The following HYCC1 variants were observed in gnomAD, a reference collection of about 807,000 sequenced individuals.
HYCC1 encodes the protein hyccin PI4KA lipid kinase complex subunit 1.
At chr7:22,914,333 C>G in the HYCC1 span, among the ~76,000 whole-genome samples, 21 of 152,214 alleles carry the variant, frequency 1.4e-4, no homozygotes, top group Non-Finnish European at 1.5e-5. Flanking sequence ...TTCTCCGTGT[C>G]TCTACCCTCT....
At chr7:22,897,476 G>GGCAAGGGATGATGGTAGTTCATAGATTT in the HYCC1 span, among the ~76,000 whole-genome samples, 1 of 152,208 alleles carries the variant, frequency 6.6e-6, no homozygotes. Flanking sequence ...TGATGACTGT[G>GGCAAGGGATGATGGTAGTTCATAGATTT]GCAAGGGATG....
chr7:22,994,260 A>G, the HYCC1 span, among the ~76,000 whole-genome samples: 1 of 152,360 alleles, frequency 6.6e-6, no homozygotes, highest in Admixed American at 6.5e-5. Context: ...AACAAAATAT[A>G]ACTTTTAATG....
the HYCC1 span, among the ~76,000 whole-genome samples, chr7:23,004,720 T>G: frequency 6.6e-6 from 1 of 152,206 alleles, no homozygotes; most frequent in African/African-American, 2.4e-5. Flanking sequence ...ACTAGAAGGA[T>G]TCCCTTTATA....
chr7:22,984,187 C>A, the HYCC1 span: 15 of 615,600 alleles, frequency 2.4e-5, no homozygotes, highest in East Asian at 2.8e-5. Context: ...TATGAAGTTT[C>A]TTTTTGGGGT....
At chr7:22,977,927 T>C in the HYCC1 span, among the ~76,000 whole-genome samples, 12 of 152,198 alleles carry the variant, frequency 7.9e-5, no homozygotes, top group Admixed American at 1.3e-4. Context: ...GTAAATCTTT[T>C]CTCCCAAACT....
the HYCC1 span, chr7:22,991,199 T>A: frequency 9.1e-7 from 1 of 1,103,700 alleles, no homozygotes; most frequent in Non-Finnish European, 1.4e-6. Flanking sequence ...GTCAGATTAC[T>A]ATGAACAGAG....
chr7:23,002,121 A>G, the HYCC1 span, among the ~76,000 whole-genome samples: 1 of 138,126 alleles, frequency 7.2e-6, no homozygotes, highest in African/African-American at 2.7e-5. Context: ...TCAAGAAGAA[A>G]TAATGGTAAA....
At chr7:22,918,191 T>C in the HYCC1 span, among the ~76,000 whole-genome samples, 1 of 152,236 alleles carries the variant, frequency 6.6e-6, no homozygotes, top group African/African-American at 2.4e-5. Context: ...GGCACTCTGA[T>C]TGGATGTCAT....
At chr7:22,995,898 G>A in the HYCC1 span, among the ~76,000 whole-genome samples, 1,775 of 152,268 alleles carry the variant, frequency 0.012, 14 homozygotes, top group Middle Eastern at 0.031. Context: ...TCAACACGAC[G>A]TCATGTGAAT....
the HYCC1 span, among the ~76,000 whole-genome samples, chr7:23,008,980 A>G: frequency 6.6e-6 from 1 of 152,102 alleles, no homozygotes; most frequent in Admixed American, 6.5e-5. Context: ...ATAGGTTTAA[A>G]CACATTAAAA....
At chr7:22,972,466 C>G in the HYCC1 span, among the ~76,000 whole-genome samples, 2 of 152,106 alleles carry the variant, frequency 1.3e-5, no homozygotes, top group Non-Finnish European at 2.9e-5. Context: ...GGAGAGAATT[C>G]AACTTAATAG....
chr7:23,002,136 GTATATATATA>G, the HYCC1 span, among the ~76,000 whole-genome samples: 15 of 76,612 alleles, frequency 2.0e-4, no homozygotes, highest in African/African-American at 2.4e-4. Context: ...GGTAAAAATT[GTATATATATA>G]TATATATATA....
chr7:22,963,155 A>T, the HYCC1 span, among the ~76,000 whole-genome samples: 18 of 152,200 alleles, frequency 1.2e-4, no homozygotes, highest in Non-Finnish European at 2.5e-4. Flanking sequence ...ATGAACAATC[A>T]AAAATTACAA....
chr7:22,922,111 C>A, the HYCC1 span, among the ~76,000 whole-genome samples: 1 of 150,242 alleles, frequency 6.7e-6, no homozygotes, highest in Non-Finnish European at 1.5e-5. Flanking sequence ...AAAAATCAAA[C>A]GGCATAATCT....
chr7:22,909,280 A>G, the HYCC1 span, among the ~76,000 whole-genome samples: 1 of 152,058 alleles, frequency 6.6e-6, no homozygotes, highest in Non-Finnish European at 1.5e-5. Flanking sequence ...GCACCTCCCC[A>G]CCACCTCTTG....
chr7:22,913,754 C>T, the HYCC1 span, among the ~76,000 whole-genome samples: 3 of 152,206 alleles, frequency 2.0e-5, no homozygotes, highest in Non-Finnish European at 4.4e-5. Context: ...AGCCCACCTA[C>T]ACCTAGGTGA....
At chr7:22,903,224 T>C in the HYCC1 span, among the ~76,000 whole-genome samples, 1 of 152,130 alleles carries the variant, frequency 6.6e-6, no homozygotes, top group Non-Finnish European at 1.5e-5. Context: ...CATAGGCATA[T>C]ATTCAAGCGA....
chr7:22,920,181 C>CA, the HYCC1 span, among the ~76,000 whole-genome samples: 1 of 151,786 alleles, frequency 6.6e-6, no homozygotes, highest in Non-Finnish European at 1.5e-5. Flanking sequence ...CCTGCCTCCA[C>CA]AAAAAAATAT....
At chr7:22,945,962 C>T in the HYCC1 span, 1 of 1,613,692 alleles carries the variant, frequency 6.2e-7, no homozygotes, top group Non-Finnish European at 8.5e-7. Flanking sequence ...GCAAGATTCC[C>T]CTGTAGTTTC....
Sources: allele counts gnomAD v4.1 joint callset (sites outside exome capture counted in the v4.1 genomes callset), GRCh38; gene constraint gnomAD v4.1.1; transcripts MANE v1.5; gene names NCBI Gene and HGNC (gene_info 2026-07-23, HGNC 2026-07-21).